GCSAML: variants seen among roughly 807,000 people sequenced by gnomAD.
GCSAML encodes germinal center-associated signaling and motility-like protein.
A neutral mutation model predicts 13.0 loss-of-function variants in GCSAML; 9 were observed. The observed-to-expected ratio is 0.69, with a 90% CI of 0.42 to 1.21. The LOEUF is 1.21. GCSAML is among the 50% of genes most tolerant of loss of function. The probability of loss-of-function intolerance (pLI) is 0.00; values close to 1 mark genes in which losing one functional copy is unlikely to be tolerated. For missense variants in GCSAML, 143 were observed against 153.4 expected, an observed-to-expected ratio of 0.93 and a Z score of 0.36; for synonymous variants, 37 against 52.9, an observed-to-expected ratio of 0.70 and a Z score of 1.31.
chr1:247,573,734 G>A (rs114232035), intron 4 of GCSAML, among the ~76,000 whole-genome samples: 6,099 of 152,204 alleles, frequency 0.04, 191 homozygotes, highest in South Asian at 0.064. Context: ...GAAGAAAGTC[G>A]GGGAGCTTGA....
intron 2 of GCSAML, among the ~76,000 whole-genome samples, chr1:247,539,040 C>T (rs763898023): frequency 1.4e-4 from 21 of 152,108 alleles, no homozygotes; most frequent in Admixed American, 5.2e-4. Flanking sequence ...CCCATGGCAC[C>T]GTATGCCAAT....
chr1:247,533,074 A>G (rs1417924700), intron 2 of GCSAML, among the ~76,000 whole-genome samples: 1 of 152,126 alleles, frequency 6.6e-6, no homozygotes, highest in Admixed American at 6.5e-5. Context: ...AAATTCCACA[A>G]TCATCTGCAA....
At chr1:247,567,462 A>G (rs1668429413) in intron 4 of GCSAML, among the ~76,000 whole-genome samples, 1 of 152,094 alleles carries the variant, frequency 6.6e-6, no homozygotes, top group African/African-American at 2.4e-5. Flanking sequence ...TTTGCTGAGA[A>G]TGATGGTTTC....
upstream of GCSAML, among the ~76,000 whole-genome samples, chr1:247,547,730 T>C (rs901523893): frequency 9.2e-5 from 14 of 152,184 alleles, no homozygotes; most frequent in Admixed American, 3.3e-4. Context: ...TTAGTGCCTT[T>C]ACCGCTCCAT....
In GCSAML at chr1:247,559,764, T is replaced by G. The variant is rs572398691; in HGVS notation, c.89+3298T>G. ...GGTGGGCTGTTTTGTGAAGTCTGTC[T>G]TTGGCTTGTAGATGACTGTCTTATC... On this transcript the variant is annotated intron_variant, in intron 2 of 4. Coordinates refer to ENST00000366488, the MANE Select transcript of GCSAML (RefSeq NM_145278.5). Among the ~76,000 whole-genome samples the G allele has an allele frequency of 2.3e-4, 35 of 152,328 alleles. 1 individual carries two copies. The highest frequency in any genetic ancestry group is 3.4e-3 in the Middle Eastern group (1 of 294).
At position 247,574,344 on chromosome 1, in the gene GCSAML, A is replaced by T. The variant is rs1668752077; in HGVS notation, c.370A>T (p.Thr124Ser). 1.2e-6 allele frequency: 2 copies of T among 1,614,018 alleles called. No individual in the cohort carries two copies. Among genetic ancestry groups the T allele is most frequent in the Admixed American group, 3.3e-5 (2 of 59,992 alleles). Residue 124 changes from threonine (T) to serine (S), a missense_variant, in exon 5 of 5, where the codon ACC becomes TCC. Thr to Ser is a moderately conservative substitution (Grantham distance 58). Coordinates refer to ENST00000366488, the MANE Select transcript of GCSAML (RefSeq NM_145278.5). ...RTSVSRPCSCTHEHDYEVVFP... is the reference protein window; with the variant it reads ...RTSVSRPCSCSHEHDYEVVFP... The stretch of plus-strand genomic sequence containing the variant: ...TTCTGTTAGTAGGCCTTGTTCCTGC[A>T]CCCATGAGCATGATTATGAAGTTGT...
chr1:247,549,993 G>A (rs1390765527), intron 1 of GCSAML, among the ~76,000 whole-genome samples: 2 of 152,072 alleles, frequency 1.3e-5, no homozygotes, highest in Non-Finnish European at 2.9e-5. Flanking sequence ...TCATCATATC[G>A]CTCCTGTGCT....
At chr1:247,515,760 C>T (rs929561357) in intron 1 of GCSAML, among the ~76,000 whole-genome samples, 2 of 152,144 alleles carry the variant, frequency 1.3e-5, no homozygotes, top group African/African-American at 4.8e-5. Context: ...ATCATGAGAA[C>T]AGCAAGGAAG....
chr1:247,541,335 C>T (rs75068526), intron 2 of GCSAML, among the ~76,000 whole-genome samples: 1 of 152,224 alleles, frequency 6.6e-6, no homozygotes, highest in African/African-American at 2.4e-5. Context: ...TTGAGCAAAG[C>T]AGTAGGTTTG....
At chr1:247,554,697 C>T (rs1667895731) in intron 1 of GCSAML, among the ~76,000 whole-genome samples, 2 of 151,964 alleles carry the variant, frequency 1.3e-5, no homozygotes, top group Admixed American at 1.3e-4. Context: ...TTACTTGTGC[C>T]TAGACAGGTA....
At chr1:247,570,961 A>G (rs1016216290) in intron 4 of GCSAML, among the ~76,000 whole-genome samples, 5 of 152,132 alleles carry the variant, frequency 3.3e-5, no homozygotes, top group African/African-American at 1.2e-4. Flanking sequence ...ACCGTTATGT[A>G]ATGGCCTTCT....
At chr1:247,512,596 T>A (rs1200848247) in intron 1 of GCSAML, among the ~76,000 whole-genome samples, 2 of 152,054 alleles carry the variant, frequency 1.3e-5, no homozygotes, top group Non-Finnish European at 2.9e-5. Context: ...GGCGTTCTGG[T>A]TTTTGGAATT....
At chr1:247,564,013 AC>A (rs1417822231) in intron 3 of GCSAML, among the ~76,000 whole-genome samples, 1 of 151,536 alleles carries the variant, frequency 6.6e-6, no homozygotes, top group African/African-American at 2.4e-5. Context: ...GCTCACTGTA[AC>A]CCCCCGCCTT....
At chr1:247,528,889 G>A (rs1251386020) in intron 2 of GCSAML, 2 of 151,926 alleles carry the variant, frequency 1.3e-5, no homozygotes, top group African/African-American at 2.4e-5. Flanking sequence ...CCCATGAGAG[G>A]GCATCCACTG....
At chr1:247,567,579 G>T (rs1172129299) in intron 4 of GCSAML, among the ~76,000 whole-genome samples, 1 of 152,132 alleles carries the variant, frequency 6.6e-6, no homozygotes, top group Non-Finnish European at 1.5e-5. Context: ...GTCTAACATT[G>T]ATGGGCAGTT....
Position 247,565,415 on chromosome 1 carries a change from G to C in GCSAML, c.140-516G>C, listed in dbSNP as rs148705058. 6.6e-3 allele frequency among the ~76,000 whole-genome samples: 995 copies of C among 151,898 alleles called. 11 individuals are homozygous for C. The highest frequency in any genetic ancestry group is 0.014 in the Middle Eastern group (4 of 290). On this transcript the variant is annotated intron_variant, in intron 3 of 4. Transcript: ENST00000366488. ...ATTCACACGTATGTAAATTGCTTCA[G>C]CATTCACAGATGGAATCAACATGAA... is the stretch of plus-strand genomic sequence containing the variant.
intron 1 of GCSAML, among the ~76,000 whole-genome samples, chr1:247,517,700 C>G (rs2178359): frequency 0.024 from 3,697 of 152,242 alleles, 151 homozygotes; most frequent in African/African-American, 0.084. Flanking sequence ...CTTTACTTAA[C>G]GTCTTGCCCT....
intron 1 of GCSAML, among the ~76,000 whole-genome samples, chr1:247,517,639 A>G (rs1350110013): frequency 2.6e-5 from 4 of 152,194 alleles, no homozygotes; most frequent in Admixed American, 2.6e-4. Flanking sequence ...GCTTGACTAG[A>G]TCAGAGTGCT....
At position 247,508,143 on chromosome 1, in the gene GCSAML, C is replaced by T. The variant is rs531920975; in HGVS notation, c.-263+910C>T. ...TACACTCCCACCAACAGTGTAAAAG[C>T]ATTCCTATTTCTCCACATCCTCTCC... On this transcript the variant is annotated intron_variant, in intron 1 of 5. Coordinates refer to the GCSAML transcript ENST00000366489. Among the ~76,000 whole-genome samples the T allele has an allele frequency of 3.3e-3, 498 of 152,254 alleles. 1 individual carries two copies. The highest frequency in any genetic ancestry group is 0.01 in the Middle Eastern group (3 of 294).
Sources: allele counts gnomAD v4.1 joint callset (sites outside exome capture counted in the v4.1 genomes callset), GRCh38; gene constraint gnomAD v4.1.1; transcripts MANE v1.5; gene names NCBI Gene and HGNC (gene_info 2026-07-23, HGNC 2026-07-21).